The following VPS13B variants were observed in gnomAD, a reference collection of about 807,000 sequenced individuals.
The protein encoded by VPS13B is vacuolar protein sorting 13 homolog B, also known as intermembrane lipid transfer protein VPS13B.
In VPS13B, 285 loss-of-function variants were observed where a neutral mutation model predicts 426.4. The ratio of observed to expected loss-of-function variants is 0.67; its 90% CI spans 0.61 to 0.74. VPS13B has a LOEUF of 0.74. VPS13B is among the 30% of genes least tolerant of loss of function. The pLI is 0.00. For missense variants in VPS13B, 4,537 were observed against 4,782.6 expected, an observed-to-expected ratio of 0.95 and a Z score of 1.51; for synonymous variants, 1,676 against 1,676.4, an observed-to-expected ratio of 1.00 and a Z score of 0.01.
rs2133931572 is a variant in VPS13B at position 99,641,937 on chromosome 8, A to G, written c.5347A>G (p.Ile1783Val). 6.2e-7 allele frequency: 1 copy of G among 1,614,136 alleles called. No individual in the cohort carries two copies. Among genetic ancestry groups the G allele is most frequent in the Non-Finnish European group, 8.5e-7 (1 of 1,180,014 alleles). The change falls in exon 34 of 62, where the codon ATA becomes GTA. Residue 1783 changes from isoleucine (I) to valine (V), a missense_variant. By Grantham distance (29) the Ile-to-Val change is conservative (BLOSUM62 3). Around this residue, in one of 2 missense-constraint regions of VPS13B, gnomAD observed 4,311 missense variants for 4,474.3 expected, o/e 0.96. Transcript: ENST00000357162. ...CAGTGTTAAAATCAGAATAGTGCAA[A>G]TAGAGCAGCACAGTGGTGCCAGTCA... The part of the protein sequence containing the change: ...SDSVKIRIVQ[I>V]EQHSGASQHR...
intron 39 of VPS13B, among the ~76,000 whole-genome samples, chr8:99,750,604 G>C (rs1315602397): frequency 6.6e-6 from 1 of 152,100 alleles, no homozygotes; most frequent in Non-Finnish European, 1.5e-5. Flanking sequence ...AGCACTTCTG[G>C]AGAGGGTTTT....
chr8:99,019,203 CA>C (rs1841765718), intron 2 of VPS13B, among the ~76,000 whole-genome samples: 1 of 140,512 alleles, frequency 7.1e-6, no homozygotes. Context: ...TCATCTTAAA[CA>C]TTTTTTTTTT....
rs1048282834 is a variant in VPS13B, at chr8:99,697,565, A to G, written c.6047-1960A>G. The G allele has an allele frequency of 2.0e-5, 14 of 692,464 alleles. No homozygotes were observed. In the African/African-American group the frequency reaches 2.3e-4, roughly 11 times the overall value. The allele number at this position is 692,464 out of a possible 1,614,324, so 42.9% of individuals were successfully genotyped here. ...GGACGTGCAGGACTACAGCGAGAAC[A>G]TGCAAGAGATCAAGAAGGAACTCTC... is the stretch of plus-strand genomic sequence containing the variant. On this transcript the variant is annotated intron_variant, in intron 35 of 61. Coordinates refer to ENST00000357162, the MANE Select transcript of VPS13B (RefSeq NM_152564.5).
At chr8:99,066,248 A>G (rs960548216) in intron 3 of VPS13B, among the ~76,000 whole-genome samples, 1 of 152,264 alleles carries the variant, frequency 6.6e-6, no homozygotes, top group Non-Finnish European at 1.5e-5. Flanking sequence ...CTGACTTCCA[A>G]CTATCCTACA....
At chr8:99,113,553 A>T (rs1357808923) in intron 6 of VPS13B, among the ~76,000 whole-genome samples, 2 of 151,974 alleles carry the variant, frequency 1.3e-5, no homozygotes, top group Non-Finnish European at 2.9e-5. Context: ...AATGTTCCAG[A>T]TACTATATTT....
intron 34 of VPS13B, among the ~76,000 whole-genome samples, chr8:99,653,418 A>T (rs1169714013): frequency 6.6e-6 from 1 of 151,952 alleles, no homozygotes; most frequent in African/African-American, 2.4e-5. Flanking sequence ...AGCAGAAAAG[A>T]GGTTTACAGT....
intron 19 of VPS13B, among the ~76,000 whole-genome samples, chr8:99,355,711 T>C (rs1346935623): frequency 1.3e-5 from 2 of 152,208 alleles, no homozygotes; most frequent in Non-Finnish European, 2.9e-5. Flanking sequence ...CTGTGCCTTT[T>C]GTTTTGCTTG....
rs566932469 is a variant in VPS13B, at chr8:99,433,963, G to A, written c.3210+2299G>A. On this transcript the variant is annotated intron_variant, in intron 22 of 61. Coordinates refer to ENST00000357162, the MANE Select transcript of VPS13B (RefSeq NM_152564.5). ...TGGAATTACAGGCGCCCACCACCAC[G>A]CCCAGCTAATTATTTTGTATTTTTA... Among the ~76,000 whole-genome samples, 6 of 151,840 alleles carry A rather than the reference G, an allele frequency of 4.0e-5. No homozygotes were observed. In the South Asian group the frequency reaches 1.0e-3, roughly 26 times the overall value.
chr8:99,726,021 G>A (rs150241765), intron 39 of VPS13B, among the ~76,000 whole-genome samples: 2 of 152,250 alleles, frequency 1.3e-5, no homozygotes, highest in African/African-American at 4.8e-5. Flanking sequence ...TTATAATACA[G>A]AAGCCTCAGA....
Position 99,030,383 on chromosome 8 carries a change from T to C in VPS13B, c.148-8040T>C, listed in dbSNP as rs181099629. Among the ~76,000 whole-genome samples the C allele has an allele frequency of 6.2e-3, 945 of 152,178 alleles. 8 individuals carry two copies. The highest frequency in any genetic ancestry group is 0.021 in the African/African-American group (886 of 41,486). On this transcript the variant is annotated intron_variant, in intron 2 of 61. Transcript: ENST00000357162. The stretch of plus-strand genomic sequence containing the variant: ...GTCTGCATGGGTTTTCTCCGGATAC[T>C]CTGGTTTCCTTCTGCTTCCCAAAGA...
rs1318800344 is a variant in VPS13B at position 99,480,612 on chromosome 8, C to T, written c.3667-987C>T. Among the ~76,000 whole-genome samples the T allele has an allele frequency of 2.0e-5, 3 of 152,006 alleles. No homozygotes were observed. In the East Asian group the frequency reaches 5.8e-4, roughly 29 times the overall value. Reference sequence around the variant, plus strand: ...ACCTTTTTAATAAGATTTTTAGCTACTAGATTACTTTTAAACAAAAATAGC... The same window carrying T: ...ACCTTTTTAATAAGATTTTTAGCTATTAGATTACTTTTAAACAAAAATAGC... On this transcript the variant is annotated intron_variant, in intron 24 of 61. Transcript: ENST00000357162.
intron 54 of VPS13B, among the ~76,000 whole-genome samples, chr8:99,838,395 A>G (rs1815505214): frequency 6.6e-6 from 1 of 152,280 alleles, no homozygotes; most frequent in African/African-American, 2.4e-5. Context: ...CATAGTGTAT[A>G]GGATTTTAAT....
At chr8:99,368,193 C>G (rs940256846) in intron 19 of VPS13B, among the ~76,000 whole-genome samples, 1 of 152,166 alleles carries the variant, frequency 6.6e-6, no homozygotes, top group Non-Finnish European at 1.5e-5. Flanking sequence ...ATATGATAGC[C>G]TTAGTTTTTG....
chr8:99,046,407 T>C (rs779335234), intron 3 of VPS13B, among the ~76,000 whole-genome samples: 3 of 152,024 alleles, frequency 2.0e-5, no homozygotes, highest in Non-Finnish European at 4.4e-5. Context: ...CCATAAACTT[T>C]GTTGAATTTT....
intron 3 of VPS13B, among the ~76,000 whole-genome samples, chr8:99,075,269 T>A (rs987742445): frequency 4.6e-5 from 7 of 152,204 alleles, no homozygotes; most frequent in African/African-American, 1.7e-4. Context: ...TGTATAGTCA[T>A]GTAGCCGGCA....
At chr8:99,338,454 A>G (rs1260035412) in intron 19 of VPS13B, among the ~76,000 whole-genome samples, 1 of 152,042 alleles carries the variant, frequency 6.6e-6, no homozygotes, top group Non-Finnish European at 1.5e-5. Context: ...ATTTTTCTAT[A>G]AGGATATATT....
rs762260915 is a variant in VPS13B at position 99,511,251 on chromosome 8, G to C, written c.4372G>C (p.Asp1458His). The C allele has an allele frequency of 1.2e-6, 2 of 1,614,042 alleles. No individual in the cohort carries two copies. The highest frequency in any genetic ancestry group is 1.7e-6 in the Non-Finnish European group (2 of 1,179,986). The change falls in exon 29 of 62, where the codon GAT becomes CAT. Residue 1458 changes from aspartate to histidine, a missense_variant. By Grantham distance (81) the Asp-to-His change is moderately conservative (BLOSUM62 -1). Coordinates refer to ENST00000357162, the MANE Select transcript of VPS13B (RefSeq NM_152564.5). ...SFHKLSEGLMDGSPHFLHEIL... is the reference protein window; with the variant it reads ...SFHKLSEGLMHGSPHFLHEIL... ...TCATAAGTTATCTGAAGGCCTAATG[G>C]ATGGTTCTCCTCATTTTCTTCATGA...
intron 19 of VPS13B, among the ~76,000 whole-genome samples, chr8:99,278,769 G>A (rs1249035795): frequency 2.0e-5 from 3 of 152,198 alleles, no homozygotes; most frequent in Non-Finnish European, 4.4e-5. Flanking sequence ...GAGCCACACT[G>A]TCATGATCTT....
At chr8:99,260,223 G>A (rs1817971597) in intron 17 of VPS13B, among the ~76,000 whole-genome samples, 1 of 152,126 alleles carries the variant, frequency 6.6e-6, no homozygotes, top group Non-Finnish European at 1.5e-5. Context: ...AACAGATCTG[G>A]ATGTTAGAAT....
Sources: allele counts gnomAD v4.1 joint callset (sites outside exome capture counted in the v4.1 genomes callset), GRCh38; gene constraint gnomAD v4.1.1; regional missense constraint gnomAD v4.1.1; transcripts MANE v1.5; gene names NCBI Gene and HGNC (gene_info 2026-07-23, HGNC 2026-07-21).